ENOX1: variants seen among roughly 807,000 people sequenced by gnomAD.
ENOX1 encodes candidate growth-related and time keeping constitutive hydroquinone (NADH) oxidase.
Under a neutral mutation model 82.5 loss-of-function variants are expected in ENOX1, and 42 were observed. That is an observed-to-expected ratio of 0.51 (90% confidence interval 0.40 to 0.66). ENOX1 has a LOEUF of 0.66. Ranked by LOEUF, ENOX1 falls within the 30% of genes least tolerant of loss-of-function variation. The pLI is 0.00. For synonymous variants in ENOX1, 271 were observed against 282.2 expected (o/e 0.96, Z 0.40); for missense variants, 608 against 811.6 (o/e 0.75, Z 3.05).
chr13:43,391,637 T>G (rs1056780458), intron 5 of ENOX1, among the ~76,000 whole-genome samples: 1 of 152,158 alleles, frequency 6.6e-6, no homozygotes, highest in African/African-American at 2.4e-5. Context: ...CACTCCCCTG[T>G]CATCTAATCC....
chr13:43,721,536 GC>G (rs1360734517), intron 1 of ENOX1, among the ~76,000 whole-genome samples: 2 of 149,102 alleles, frequency 1.3e-5, no homozygotes, highest in Non-Finnish European at 3.0e-5. Flanking sequence ...CCGCCACTAC[GC>G]CCGGCTAATT....
chr13:43,662,795 T>C (rs2084797863), intron 2 of ENOX1, among the ~76,000 whole-genome samples: 1 of 152,146 alleles, frequency 6.6e-6, no homozygotes, highest in Non-Finnish European at 1.5e-5. Context: ...ACAAGATAGG[T>C]ATATGGCCCT....
chr13:43,613,221 C>T (rs1157353627), intron 2 of ENOX1, among the ~76,000 whole-genome samples: 3 of 152,074 alleles, frequency 2.0e-5, no homozygotes, highest in African/African-American at 7.2e-5. Flanking sequence ...ATATTAACTA[C>T]AGTCAGAAAT....
intron 14 of ENOX1, among the ~76,000 whole-genome samples, chr13:43,244,011 A>C (rs960559848): frequency 2.6e-5 from 4 of 151,724 alleles, no homozygotes; most frequent in Non-Finnish European, 4.4e-5. Flanking sequence ...TCACTTATAC[A>C]TCACATTTCA....
chr13:43,686,523 A>G, intron 1 of ENOX1, among the ~76,000 whole-genome samples: 1 of 152,216 alleles, frequency 6.6e-6, no homozygotes. Context: ...TTACTGAGGC[A>G]AAAGGAGGTT....
At chr13:43,649,799 C>G (rs992924718) in intron 2 of ENOX1, among the ~76,000 whole-genome samples, 2 of 152,162 alleles carry the variant, frequency 1.3e-5, no homozygotes, top group African/African-American at 4.8e-5. Flanking sequence ...CCTTGGCCTC[C>G]TAGCGCTACA....
At chr13:43,254,481 A>T (rs2043634873) in intron 14 of ENOX1, among the ~76,000 whole-genome samples, 1 of 152,218 alleles carries the variant, frequency 6.6e-6, no homozygotes. Context: ...TTAAAAAAAA[A>T]TCAGTGAATC....
In ENOX1 at chr13:43,765,956, T is replaced by G. The variant is rs373400243; in HGVS notation, c.-285+20696A>C. Reference sequence around the variant, plus strand: ...CTTCTCATAAAAAGAAATTTAAATTTTAGCAAAAGGAGAGACTTCATTGTC... The same window carrying G: ...CTTCTCATAAAAAGAAATTTAAATTGTAGCAAAAGGAGAGACTTCATTGTC... On this transcript the variant is annotated intron_variant, in intron 1 of 16. Transcript: ENST00000690772. Among the ~76,000 whole-genome samples the G allele has an allele frequency of 5.3e-5, 8 of 152,218 alleles. No homozygotes were observed. In the East Asian group the frequency reaches 1.5e-3, roughly 29 times the overall value.
intron 2 of ENOX1, among the ~76,000 whole-genome samples, chr13:43,634,053 T>C (rs544206779): frequency 5.9e-5 from 9 of 152,160 alleles, no homozygotes; most frequent in Admixed American, 3.9e-4. Flanking sequence ...TGTATGTTTA[T>C]TTACTGTTGA....
intron 3 of ENOX1, among the ~76,000 whole-genome samples, chr13:43,419,457 G>C (rs2054844743): frequency 6.6e-6 from 1 of 152,044 alleles, no homozygotes; most frequent in African/African-American, 2.4e-5. Flanking sequence ...GGGGTGGGAG[G>C]ATTGCTTGAG....
chr13:43,563,961 G>GGAGGAAGGAATACTTCCAAACT (rs1036683219), intron 2 of ENOX1, among the ~76,000 whole-genome samples: 1 of 151,322 alleles, frequency 6.6e-6, no homozygotes. Context: ...GAAAAAAAAA[G>GGAGGAAGGAATACTTCCAAACT]GAGGAAGGAA....
At chr13:43,263,218 C>T (rs937854036) in intron 14 of ENOX1, among the ~76,000 whole-genome samples, 2 of 152,142 alleles carry the variant, frequency 1.3e-5, no homozygotes, top group Admixed American at 6.6e-5. Context: ...CCTGATAAAA[C>T]AGGCAGTGAT....
chr13:43,356,319 T>G lies in ENOX1; in HGVS notation c.590-167A>C, dbSNP rs186981505. Reference sequence around the variant, plus strand: ...CAATTATCCTTTTCCCCAGCAATCTTGAAGCTCTGTAAAGTTAGGCCTATT... The same window carrying G: ...CAATTATCCTTTTCCCCAGCAATCTGGAAGCTCTGTAAAGTTAGGCCTATT... On this transcript the variant is annotated intron_variant, in intron 7 of 16. Transcript: ENST00000690772. Among the ~76,000 whole-genome samples the G allele has an allele frequency of 1.5e-4, 23 of 152,248 alleles. No homozygotes were observed. In the South Asian group the frequency reaches 4.4e-3, roughly 29 times the overall value.
intron 3 of ENOX1, among the ~76,000 whole-genome samples, chr13:43,471,290 T>C (rs2058055676): frequency 6.6e-6 from 1 of 152,080 alleles, no homozygotes; most frequent in South Asian, 2.1e-4. Context: ...GGGGTAGGGA[T>C]ACTGGGAGGG....
intron 2 of ENOX1, among the ~76,000 whole-genome samples, chr13:43,553,453 G>T (rs1015244507): frequency 5.3e-5 from 8 of 152,172 alleles, no homozygotes; most frequent in Non-Finnish European, 1.2e-4. Flanking sequence ...TTTTACTGGT[G>T]TCAAAGTACT....
At position 43,548,954 on chromosome 13, in the gene ENOX1, CA is replaced by C. The variant is rs973830528; in HGVS notation, c.-218-64803del. ...AAATGGTTAATTTAAAAAAAACAAC[CA>C]AAAAAAACCCTCTTCCTAGAGTCTC... On this transcript the variant is annotated intron_variant, in intron 2 of 16. Coordinates refer to ENST00000690772, the MANE Select transcript of ENOX1 (RefSeq NM_001347969.2). Among the ~76,000 whole-genome samples, 5 of 151,694 alleles carry C rather than the reference CA, an allele frequency of 3.3e-5. 1 individual carries two copies. In the South Asian group the frequency reaches 1.0e-3, roughly 32 times the overall value.
chr13:43,569,936 A>G (rs2225274), intron 2 of ENOX1, among the ~76,000 whole-genome samples: 148,014 of 152,318 alleles, frequency 0.97, 72,059 homozygotes, highest in Non-Finnish European at 1. Flanking sequence ...CACTGTTCCC[A>G]TAAATATTTC....
At chr13:43,671,134 GCT>G (rs536455831) in intron 1 of ENOX1, among the ~76,000 whole-genome samples, 1 of 152,112 alleles carries the variant, frequency 6.6e-6, no homozygotes, top group East Asian at 1.9e-4. Flanking sequence ...GCTCTTGCAT[GCT>G]CTCTCTCTCG....
intron 2 of ENOX1, among the ~76,000 whole-genome samples, chr13:43,484,790 A>T (rs1036348154): frequency 1.3e-5 from 2 of 152,246 alleles, no homozygotes; most frequent in Non-Finnish European, 2.9e-5. Context: ...CTTTAGTTTT[A>T]TATTAAATAT....
Sources: gnomAD v4.1 joint callset for allele counts (sites outside exome capture counted in the v4.1 genomes callset) on GRCh38, gnomAD v4.1.1 for gene constraint, MANE v1.5 for transcripts, NCBI Gene and HGNC (gene_info 2026-07-23, HGNC 2026-07-21) for gene names.